The following ITPR2 variants were observed in gnomAD, a reference collection of about 807,000 sequenced individuals.
ITPR2 encodes the protein inositol 1,4,5-trisphosphate receptor type 2.
Under a neutral mutation model 317.1 loss-of-function variants are expected in ITPR2, and 207 were observed. The ratio of observed to expected loss-of-function variants is 0.65; its 90% CI spans 0.58 to 0.73. ITPR2 has a LOEUF of 0.73. Ranked by LOEUF, ITPR2 falls within the 30% of genes least tolerant of loss-of-function variation. The pLI is 0.00. For missense variants in ITPR2, 2,613 were observed against 3,284.0 expected, an observed-to-expected ratio of 0.80 and a Z score of 4.99; for synonymous variants, 1,156 against 1,149.1, an observed-to-expected ratio of 1.01 and a Z score of -0.12.
Position 26,833,103 on chromosome 12 carries a change from T to C in ITPR2, c.-322A>G. On this transcript the variant is annotated 5_prime_UTR_variant, in exon 1 of 57. Transcript: ENST00000381340. ...GTTTTCTCTCCAACACCTTTGCTCC[T>C]CCTCCTCCTCCTTCCCTCTCCGCTC... 1 of 294,706 alleles carries C rather than the reference T, an allele frequency of 3.4e-6. No individual in the cohort carries two copies. The highest frequency in any genetic ancestry group is 6.3e-6 in the Non-Finnish European group (1 of 159,506). 18.3% of individuals were successfully genotyped at this position (294,706 alleles called of 1,614,324 possible). A position where few individuals can be genotyped will look rare whatever the true frequency, so the allele number is the denominator to read the frequency against.
chr12:26,790,682 T>C (rs1950327603), intron 1 of ITPR2, among the ~76,000 whole-genome samples: 1 of 150,338 alleles, frequency 6.7e-6, no homozygotes, highest in Non-Finnish European at 1.5e-5. Flanking sequence ...AGATTACCCA[T>C]AGTTTTTATT....
intron 50 of ITPR2, 42 bp downstream of exon 50, chr12:26,419,007 G>A: frequency 2.0e-6 from 3 of 1,536,596 alleles, no homozygotes; most frequent in Non-Finnish European, 2.7e-6. Context: ...GCAGCATTGT[G>A]TACTTTTTCA....
intron 2 of ITPR2, among the ~76,000 whole-genome samples, chr12:26,752,279 A>G (rs1050472226): frequency 4.6e-5 from 7 of 152,210 alleles, no homozygotes; most frequent in African/African-American, 1.7e-4. Flanking sequence ...TCCATCTTGA[A>G]AAGGAGCTGG....
intron 7 of ITPR2, 107 bp downstream of exon 7, chr12:26,715,645 C>A: frequency 1.2e-6 from 1 of 804,980 alleles, no homozygotes; most frequent in Non-Finnish European, 2.0e-6. Context: ...CATGTGTAGT[C>A]ACATTCTAAA....
intron 2 of ITPR2, among the ~76,000 whole-genome samples, chr12:26,735,273 A>G (rs1949100776): frequency 6.6e-6 from 1 of 152,210 alleles, no homozygotes. Flanking sequence ...AAGTGCTGGG[A>G]TTACAGACGT....
Position 26,628,176 on chromosome 12 carries a change from T to C in ITPR2, c.2935-14A>G. ...ACTCAGGATAAACTATAAGAAACAT[T>C]AAGAACAACATAAATTTCTTTCATT... On this transcript the variant is annotated splice_polypyrimidine_tract_variant and intron_variant, in intron 22 of 56. Coordinates refer to ENST00000381340, the MANE Select transcript of ITPR2 (RefSeq NM_002223.4). The C allele has an allele frequency of 6.4e-7, 1 of 1,574,286 alleles. No individual in the cohort carries two copies. Among genetic ancestry groups the C allele is most frequent in the Non-Finnish European group, 8.6e-7 (1 of 1,158,242 alleles).
chr12:26,707,477 C>T (rs1306652882), intron 9 of ITPR2, among the ~76,000 whole-genome samples: 3 of 152,128 alleles, frequency 2.0e-5, no homozygotes, highest in Non-Finnish European at 4.4e-5. Flanking sequence ...TAGAGAACCC[C>T]CGTCCTACTT....
intron 42 of ITPR2, 132 bp downstream of exon 42, chr12:26,483,566 T>G: frequency 1.5e-6 from 1 of 659,454 alleles, no homozygotes. Context: ...TATAATTCAG[T>G]CTTTGTATGT....
At chr12:26,584,989 G>A (rs1275971083) in intron 32 of ITPR2, among the ~76,000 whole-genome samples, 1 of 152,076 alleles carries the variant, frequency 6.6e-6, no homozygotes, top group Non-Finnish European at 1.5e-5. Flanking sequence ...CTTTTTATGT[G>A]AATCATCAGC....
chr12:26,343,432 G>A (rs1227685931), intron 55 of ITPR2, among the ~76,000 whole-genome samples: 1 of 152,190 alleles, frequency 6.6e-6, no homozygotes, highest in East Asian at 1.9e-4. Context: ...CAGACTATTA[G>A]CTGGAGAAGA....
intron 34 of ITPR2, among the ~76,000 whole-genome samples, chr12:26,567,696 C>T (rs533773935): frequency 6.6e-5 from 10 of 151,616 alleles, no homozygotes; most frequent in East Asian, 3.9e-4. Flanking sequence ...GAAATAAATT[C>T]GCTGCACTGT....
intron 48 of ITPR2, among the ~76,000 whole-genome samples, chr12:26,434,697 T>A (rs1021219765): frequency 1.3e-5 from 2 of 152,198 alleles, no homozygotes; most frequent in African/African-American, 4.8e-5. Context: ...GATATGTCAT[T>A]TTTTAGGCTT....
chr12:26,401,830 T>A (rs746279505), intron 52 of ITPR2, among the ~76,000 whole-genome samples: 18 of 152,252 alleles, frequency 1.2e-4, no homozygotes, highest in Non-Finnish European at 2.2e-4. Context: ...GGGATCCTGA[T>A]ATTTTTACTT....
rs1949193840 is a variant in ITPR2, at chr12:26,739,513, TC to T, written c.164-13749del. Among the ~76,000 whole-genome samples, 3 of 152,090 alleles carry T rather than the reference TC, an allele frequency of 2.0e-5. No homozygotes were observed. In the South Asian group the frequency reaches 6.2e-4, roughly 32 times the overall value. On this transcript the variant is annotated intron_variant, in intron 2 of 56. Transcript: ENST00000381340. Reference sequence around the variant, plus strand: ...AGTACTGATCCTGAACATGGATGAATCTCAAACACATCTTACTAAGTGAAAG... The same window carrying T: ...AGTACTGATCCTGAACATGGATGAATTCAAACACATCTTACTAAGTGAAAG...
intron 47 of ITPR2, 152 bp from the exon 48 acceptor site, chr12:26,436,498 A>G: frequency 1.5e-6 from 1 of 684,364 alleles, no homozygotes; most frequent in Non-Finnish European, 2.3e-6. Context: ...GAGTAAGTTT[A>G]TTAAAAACAA....
chr12:26,388,340 T>C (rs1052735070), intron 54 of ITPR2, among the ~76,000 whole-genome samples: 5 of 152,222 alleles, frequency 3.3e-5, no homozygotes, highest in African/African-American at 1.2e-4. Flanking sequence ...AAGTGGGATG[T>C]TGGGATTCAG....
chr12:26,512,352 G>C (rs545590746), intron 37 of ITPR2, among the ~76,000 whole-genome samples: 8 of 152,264 alleles, frequency 5.3e-5, no homozygotes, highest in Admixed American at 2.6e-4. Context: ...AAAACTCAAA[G>C]TCATCTCTCT....
intron 21 of ITPR2, among the ~76,000 whole-genome samples, chr12:26,647,667 C>T (rs1289431824): frequency 6.6e-6 from 1 of 152,218 alleles, no homozygotes; most frequent in Non-Finnish European, 1.5e-5. Flanking sequence ...CATTTAAAAT[C>T]ACTGAGAGCA....
At chr12:26,592,298 A>G (rs755706873) in intron 32 of ITPR2, among the ~76,000 whole-genome samples, 2 of 152,266 alleles carry the variant, frequency 1.3e-5, no homozygotes, top group Non-Finnish European at 2.9e-5. Context: ...GTTAATGGGT[A>G]CAAATATACA....
Sources: allele counts gnomAD v4.1 joint callset (sites outside exome capture counted in the v4.1 genomes callset), GRCh38; gene constraint gnomAD v4.1.1; transcripts MANE v1.5; gene names NCBI Gene and HGNC (gene_info 2026-07-23, HGNC 2026-07-21).